Variants in EPM2A observed in about 807,000 individuals in gnomAD.
EPM2A encodes laforin.
In EPM2A, 21 loss-of-function variants were observed where a neutral mutation model predicts 26.5. The ratio of observed to expected loss-of-function variants is 0.79; its 90% CI spans 0.56 to 1.14. EPM2A has a LOEUF of 1.14. Ranked by LOEUF, EPM2A falls within the 50% of genes most tolerant of loss-of-function variation. The pLI is 0.00. For synonymous variants in EPM2A, 217 were observed against 177.6 expected (o/e 1.22, Z -1.76); for missense variants, 458 against 440.8 (o/e 1.04, Z -0.35).
intron 2 of EPM2A, among the ~76,000 whole-genome samples, chr6:145,663,292 C>T (rs976032942): frequency 2.0e-5 from 3 of 152,180 alleles, no homozygotes; most frequent in African/African-American, 7.2e-5. Flanking sequence ...CAGTCTACAG[C>T]TCCCAGCGTG....
chr6:145,394,040 C>T (rs1051023022), intron 4 of EPM2A, among the ~76,000 whole-genome samples: 2 of 152,030 alleles, frequency 1.3e-5, no homozygotes, highest in East Asian at 1.9e-4. Context: ...AGCCAGGATG[C>T]TCTCGATCTC....
intron 4 of EPM2A, among the ~76,000 whole-genome samples, chr6:145,434,775 C>T (rs73559156): frequency 0.011 from 1,670 of 152,218 alleles, 26 homozygotes; most frequent in African/African-American, 0.038. Context: ...GCCAATTCTC[C>T]CCTTTTCCTG....
rs750988816 is a variant in EPM2A at position 145,735,241 on chromosome 6, G to C, written c.258C>G (p.Tyr86Ter). The change falls in exon 1 of 4, where the codon TAC becomes TAG. Residue 86 changes from tyrosine to a stop codon, truncating the protein, a stop_gained. Transcript: ENST00000367519. LOFTEE classifies it high-confidence loss of function. Reference sequence around the variant, plus strand: ...CTCCCGGCTCCCGCTTCAGGAACTTGTACCAGAACGTGTCCACGCGGCCCG... The same window carrying C: ...CTCCCGGCTCCCGCTTCAGGAACTTCTACCAGAACGTGTCCACGCGGCCCG... ...AEPGRVDTFW[Y>*]KFLKREPGGE... is the part of the protein sequence containing the mutation. 4 of 1,539,086 alleles carry C rather than the reference G, an allele frequency of 2.6e-6. No homozygotes were observed. The highest frequency in any genetic ancestry group is 3.5e-6 in the Non-Finnish European group (4 of 1,142,228).
chr6:145,591,892 T>G (rs1158417043), intron 2 of EPM2A, among the ~76,000 whole-genome samples: 1 of 151,840 alleles, frequency 6.6e-6, no homozygotes, highest in Non-Finnish European at 1.5e-5. Context: ...AAAATTAATA[T>G]TATAAGGATG....
chr6:145,708,283 T>C (rs1357531122), intron 1 of EPM2A, among the ~76,000 whole-genome samples: 1 of 152,208 alleles, frequency 6.6e-6, no homozygotes, highest in Non-Finnish European at 1.5e-5. Flanking sequence ...TTTTCATAAG[T>C]AATGATGAGC....
chr6:145,395,754 A>G (rs1449891265), intron 4 of EPM2A, among the ~76,000 whole-genome samples: 1 of 152,192 alleles, frequency 6.6e-6, no homozygotes, highest in African/African-American at 2.4e-5. Flanking sequence ...TCCTTCTCTC[A>G]CCACACACAG....
At chr6:145,421,064 A>G (rs756379630) in intron 4 of EPM2A, among the ~76,000 whole-genome samples, 2 of 152,228 alleles carry the variant, frequency 1.3e-5, no homozygotes, top group Non-Finnish European at 2.9e-5. Context: ...CATTCAAGCC[A>G]TAGAATTGAC....
intron 2 of EPM2A, among the ~76,000 whole-genome samples, chr6:145,616,271 C>T (rs1361799071): frequency 6.6e-6 from 1 of 152,222 alleles, no homozygotes; most frequent in Non-Finnish European, 1.5e-5. Flanking sequence ...GGCTTCAGAG[C>T]GAGCAAGCCT....
intron 4 of EPM2A, among the ~76,000 whole-genome samples, chr6:145,430,615 A>G (rs1778909339): frequency 6.8e-6 from 1 of 147,500 alleles, no homozygotes; most frequent in Non-Finnish European, 1.5e-5. Flanking sequence ...AAAAAAAAAA[A>G]GAACCATTAA....
At chr6:145,472,696 A>C (rs1779491705) in intron 4 of EPM2A, among the ~76,000 whole-genome samples, 1 of 152,120 alleles carries the variant, frequency 6.6e-6, no homozygotes, top group South Asian at 2.1e-4. Flanking sequence ...AAGGGGAAGG[A>C]AGAATGACAA....
intron 2 of EPM2A, among the ~76,000 whole-genome samples, chr6:145,613,502 C>T (rs925340755): frequency 2.6e-5 from 4 of 152,042 alleles, no homozygotes; most frequent in Admixed American, 2.6e-4. Context: ...ATTTTCTTTG[C>T]CTAGATCCAT....
At chr6:145,461,467 C>A (rs1308235471) in intron 4 of EPM2A, among the ~76,000 whole-genome samples, 1 of 152,168 alleles carries the variant, frequency 6.6e-6, no homozygotes, top group African/African-American at 2.4e-5. Flanking sequence ...AGGAGAGACA[C>A]AACCTGTTCT....
At chr6:145,649,461 G>A (rs1344813274) in intron 2 of EPM2A, among the ~76,000 whole-genome samples, 1 of 152,180 alleles carries the variant, frequency 6.6e-6, no homozygotes. Context: ...AAAAGTCAGG[G>A]ACTTAAGAAT....
At chr6:145,479,102 C>T (rs6925385) in intron 4 of EPM2A, among the ~76,000 whole-genome samples, 10,619 of 151,196 alleles carry the variant, frequency 0.07, 1,083 homozygotes, top group African/African-American at 0.22. Context: ...ACTGGTTCTA[C>T]CCATAATGAG....
chr6:145,697,066 TTATTGGGGGAAATTCAGCCAGA>T (rs1255917827), intron 1 of EPM2A, among the ~76,000 whole-genome samples: 1 of 152,096 alleles, frequency 6.6e-6, no homozygotes, highest in Admixed American at 6.6e-5. Flanking sequence ...GCCTCATTTG[TTATTGGGGGAAATTCAGCCAGA>T]TATTGGGCAA....
intron 4 of EPM2A, among the ~76,000 whole-genome samples, chr6:145,405,970 A>C (rs1343963520): frequency 7.1e-6 from 1 of 140,156 alleles, no homozygotes; most frequent in Non-Finnish European, 1.5e-5. Context: ...CTATTTAATC[A>C]TGGAGATACC....
rs533641466 is a variant in EPM2A at position 145,682,666 on chromosome 6, A to G, written c.476+3456T>C. ...GTCCAGCACTCAAGATGGGCTGCAC[A>G]GAGTAATCCACACAATTCTTACTGA... On this transcript the variant is annotated intron_variant, in intron 2 of 3. Transcript: ENST00000367519. The G allele has an allele frequency of 2.6e-5, 4 of 152,318 alleles. No homozygotes were observed. In the South Asian group the frequency reaches 6.2e-4, roughly 24 times the overall value. The allele number at this position is 152,318 out of a possible 1,614,324, so 9.4% of individuals were successfully genotyped here.
rs189917047 is a variant in EPM2A, at chr6:145,576,883, A to C, written c.340+58362T>G. Among the ~76,000 whole-genome samples the C allele has an allele frequency of 2.6e-5, 4 of 152,152 alleles. No homozygotes were observed. In the East Asian group the frequency reaches 5.8e-4, roughly 22 times the overall value. ...AAAAAGTCAAAAAATGTAAAAATTG[A>C]GTTAAAGTGTAGAGTTTTTTTAGGT... On this transcript the variant is annotated intron_variant, in intron 2 of 3. Transcript: ENST00000450221.
At chr6:145,500,625 T>A (rs1779876972), downstream of EPM2A, among the ~76,000 whole-genome samples, 1 of 152,182 alleles carries the variant, frequency 6.6e-6, no homozygotes, top group Non-Finnish European at 1.5e-5. Context: ...TTTGCTCATA[T>A]GAACAAACAC....
Sources: allele counts gnomAD v4.1 joint callset (sites outside exome capture counted in the v4.1 genomes callset), GRCh38; gene constraint gnomAD v4.1.1; transcripts MANE v1.5; gene names NCBI Gene and HGNC (gene_info 2026-07-23, HGNC 2026-07-21).